Variants in POM121 observed in about 807,000 individuals in gnomAD.
POM121 encodes the protein POM121 transmembrane nucleoporin.
POM121 carries 32 observed loss-of-function variants against 81.3 expected under a neutral mutation model. The observed-to-expected ratio is 0.39, with a 90% CI of 0.30 to 0.53. The LOEUF is 0.53. Among genes scored for constraint, POM121 ranks in the 20% least tolerant of loss-of-function variants. POM121 has a pLI of 0.66. For synonymous variants in POM121, 514 were observed against 694.2 expected (o/e 0.74, Z 4.08); for missense variants, 1,138 against 1,614.6 (o/e 0.70, Z 5.06).
chr7:72,940,566 T>C, intron 9 of POM121, 50 bp downstream of exon 9: 1 of 554,040 alleles, frequency 1.8e-6, no homozygotes, highest in Non-Finnish European at 3.2e-6. Flanking sequence ...GTGTCTGTTT[T>C]CTTTGGTTTT....
At chr7:72,899,897 C>T (rs1291731609) in intron 3 of POM121, among the ~76,000 whole-genome samples, 3 of 144,472 alleles carry the variant, frequency 2.1e-5, no homozygotes, top group Non-Finnish European at 3.1e-5. Flanking sequence ...TAAATTTAAA[C>T]GTACTTGAGC....
downstream of POM121, chr7:72,950,570 G>C (rs1418114204): frequency 2.6e-5 from 6 of 232,704 alleles, no homozygotes; most frequent in Non-Finnish European, 4.8e-5. Context: ...TTTACAGGGG[G>C]GTGAGGAGTG....
At chr7:72,884,376 T>A (rs1327179135) in intron 1 of POM121, among the ~76,000 whole-genome samples, 2 of 151,902 alleles carry the variant, frequency 1.3e-5, no homozygotes, top group African/African-American at 4.8e-5. Flanking sequence ...GAAGTTGTGA[T>A]TCTTTTTGAA....
chr7:72,921,172 C>T (rs782771738), upstream of POM121, among the ~76,000 whole-genome samples: 1 of 152,108 alleles, frequency 6.6e-6, no homozygotes, highest in Admixed American at 6.5e-5. Flanking sequence ...CAACGAGCAA[C>T]AGGCCATCTC....
In POM121 at chr7:72,925,266, G is replaced by C; in HGVS notation, c.145G>C (p.Val49Leu). 1 of 1,534,524 alleles carries C rather than the reference G, an allele frequency of 6.5e-7. No homozygotes were observed. Among genetic ancestry groups the C allele is most frequent in the South Asian group, 1.2e-5 (1 of 83,942 alleles). The change falls in exon 1 of 13, where the codon GTG becomes CTG. Residue 49 changes from valine to leucine, a missense_variant. Coordinates refer to ENST00000434423, the MANE Select transcript of POM121 (RefSeq NM_001387691.1). ...LSLVGLLLYL[V>L]PAAAALAWLT... ...GCTGGTTGGCCTCTTACTGTACCTCGTGCCGGCTGCGGCTGCACTGGCCTG... is the reference window on the plus strand; with the variant it reads ...GCTGGTTGGCCTCTTACTGTACCTCCTGCCGGCTGCGGCTGCACTGGCCTG...
chr7:72,880,140 A>G lies in POM121; in HGVS notation c.-521+255A>G, dbSNP rs1225061449. Among the ~76,000 whole-genome samples, 13 of 152,194 alleles carry G rather than the reference A, an allele frequency of 8.5e-5. No homozygotes were observed. The South Asian group carries it at 1.0e-3, about 12-fold the overall frequency. On this transcript the variant is annotated intron_variant, in intron 1 of 15. Transcript: ENST00000395270. ...CATCTCCACTCCCCGCTAACCCCTA[A>G]CAGTCCTTCCTCCTCCTCTCTGTGC...
chr7:72,933,035 G>A (rs1796172073), intron 5 of POM121, among the ~76,000 whole-genome samples: 1 of 150,884 alleles, frequency 6.6e-6, no homozygotes. Context: ...CTGGGCGACA[G>A]AGTGAGACTC....
chr7:72,896,490 AAAAG>A (rs1554491748), intron 3 of POM121, among the ~76,000 whole-genome samples: 4 of 140,944 alleles, frequency 2.8e-5, no homozygotes, highest in African/African-American at 1.1e-4. Flanking sequence ...TTTCTCAAAA[AAAAG>A]AAAAAAAGTT....
chr7:72,944,019 G>T (rs1189685947), intron 11 of POM121, among the ~76,000 whole-genome samples: 3 of 152,078 alleles, frequency 2.0e-5, no homozygotes, highest in Non-Finnish European at 4.4e-5. Context: ...CGGCCTGGGT[G>T]ACAGAGCAAG....
upstream of POM121, among the ~76,000 whole-genome samples, chr7:72,924,150 GT>G (rs1396405102): frequency 5.4e-5 from 8 of 147,730 alleles, no homozygotes; most frequent in African/African-American, 2.0e-4. Context: ...GTTTCACCAT[GT>G]TAGCCAGGAT....
chr7:72,919,217 T>C (rs1554495563), intron 4 of POM121, among the ~76,000 whole-genome samples: 1 of 151,206 alleles, frequency 6.6e-6, no homozygotes, highest in Non-Finnish European at 1.5e-5. Context: ...TTTTTTTTTT[T>C]TTTTTTTTTT....
chr7:72,894,843 G>T (rs1274181060), intron 3 of POM121, among the ~76,000 whole-genome samples: 29 of 152,000 alleles, frequency 1.9e-4, no homozygotes, highest in Admixed American at 1.9e-3. Flanking sequence ...AAAGTTTTAG[G>T]TAAAAATGGG....
intron 1 of POM121, among the ~76,000 whole-genome samples, chr7:72,881,434 A>G (rs112324306): frequency 0.43 from 63,493 of 147,876 alleles, 15,100 homozygotes; most frequent in South Asian, 0.57. Context: ...TATGCAGGTG[A>G]TTTCTGCCTT....
upstream of POM121, among the ~76,000 whole-genome samples, chr7:72,922,669 G>A (rs1794924079): frequency 6.6e-6 from 1 of 151,894 alleles, no homozygotes; most frequent in African/African-American, 2.4e-5. Context: ...TAGATTATGT[G>A]TAAGCCACCA....
chr7:72,934,915 C>A (rs1183935961), intron 5 of POM121, among the ~76,000 whole-genome samples: 2 of 151,984 alleles, frequency 1.3e-5, no homozygotes, highest in African/African-American at 4.8e-5. Flanking sequence ...CTTTGTTTTA[C>A]CCCTAGCCTT....
rs879979090 is a variant in POM121, at chr7:72,933,030, C to T, written c.1275+2919C>T. Among the ~76,000 whole-genome samples the T allele has an allele frequency of 5.7e-3, 846 of 149,120 alleles. 1 individual carries two copies. Among genetic ancestry groups the T allele is most frequent in the Non-Finnish European group, 6.8e-3 (458 of 67,460 alleles). Reference sequence around the variant, plus strand: ...TAGCGCCACTCCACTCCAGCCTGGGCGACAGAGTGAGACTCTGTCTCAAAA... The same window carrying T: ...TAGCGCCACTCCACTCCAGCCTGGGTGACAGAGTGAGACTCTGTCTCAAAA... On this transcript the variant is annotated intron_variant, in intron 5 of 12. Coordinates refer to ENST00000434423, the MANE Select transcript of POM121 (RefSeq NM_001387691.1).
chr7:72,889,862 C>T (rs1194901546), intron 1 of POM121, among the ~76,000 whole-genome samples: 1 of 151,912 alleles, frequency 6.6e-6, no homozygotes, highest in African/African-American at 2.4e-5. Context: ...GCCATTGGTA[C>T]TTTTACACCT....
chr7:72,922,570 T>A (rs1278215222), upstream of POM121, among the ~76,000 whole-genome samples: 2 of 151,702 alleles, frequency 1.3e-5, no homozygotes, highest in South Asian at 2.1e-4. Context: ...TTTTTTTTTT[T>A]ATCAGAGACT....
chr7:72,886,179 ATTTATTTATTTT>A (rs1454181630), intron 1 of POM121, among the ~76,000 whole-genome samples: 159 of 151,578 alleles, frequency 1.0e-3, no homozygotes, highest in African/African-American at 3.5e-3. Flanking sequence ...TTATTTATTT[ATTTATTTATTTT>A]GAGACAGAGT....
Sources: gnomAD v4.1 joint callset for allele counts (sites outside exome capture counted in the v4.1 genomes callset) on GRCh38, gnomAD v4.1.1 for gene constraint, MANE v1.5 for transcripts, NCBI Gene and HGNC (gene_info 2026-07-23, HGNC 2026-07-21) for gene names.